Variants in MYO18B observed in about 807,000 individuals in gnomAD.
MYO18B encodes the protein myosin XVIIIB, also known as unconventional myosin-XVIIIb.
MYO18B carries 204 observed loss-of-function variants against 273.0 expected under a neutral mutation model. That is an observed-to-expected ratio of 0.75 (90% confidence interval 0.67 to 0.84). The LOEUF is 0.84. Among genes scored for constraint, MYO18B ranks in the 40% least tolerant of loss-of-function variants. The pLI is 0.00. For missense variants in MYO18B, 3,212 were observed against 3,287.6 expected (o/e 0.98, Z 0.56); for synonymous variants, 1,330 against 1,305.7 (o/e 1.02, Z -0.40).
At chr22:25,842,423 A>G (rs962602215) in intron 17 of MYO18B, among the ~76,000 whole-genome samples, 1 of 152,196 alleles carries the variant, frequency 6.6e-6, no homozygotes, top group African/African-American at 2.4e-5. Context: ...CTGTAATCCC[A>G]GCACTTTGAG....
intron 42 of MYO18B, among the ~76,000 whole-genome samples, chr22:26,022,150 C>T (rs994785111): frequency 6.6e-6 from 1 of 152,030 alleles, no homozygotes; most frequent in Admixed American, 6.6e-5. Context: ...CGTCATCCCT[C>T]TCCCTGGCCC....
Position 26,030,996 on chromosome 22 carries a change from G to T in MYO18B, c.*566G>T, listed in dbSNP as rs1010406672. On this transcript the variant is annotated 3_prime_UTR_variant, in exon 44 of 44. Coordinates refer to ENST00000335473, the MANE Select transcript of MYO18B (RefSeq NM_032608.7). ...AGCATTCAAGAAACTGATGAATGAT[G>T]AATGAATGAATGAGCCAAAGAACAA... 2.5e-6 allele frequency: 1 copy of T among 397,798 alleles called. No homozygotes were observed. The highest frequency in any genetic ancestry group is 1.3e-4 in the South Asian group (1 of 7,786). The allele number at this position is 397,798 out of a possible 1,614,324, so 24.6% of individuals were successfully genotyped here. A position where few individuals can be genotyped will look rare whatever the true frequency, so the allele number is the denominator to read the frequency against.
chr22:25,867,537 C>A (rs1356465393), intron 21 of MYO18B, among the ~76,000 whole-genome samples: 2 of 152,230 alleles, frequency 1.3e-5, no homozygotes, highest in African/African-American at 4.8e-5. Flanking sequence ...CATCAATGGA[C>A]ATTTGGGTTG....
chr22:25,843,990 G>A, intron 18 of MYO18B, 96 bp downstream of exon 18: 1 of 1,164,604 alleles, frequency 8.6e-7, no homozygotes, highest in Non-Finnish European at 1.2e-6. Flanking sequence ...CACAGTGTGG[G>A]AGGGCCAGCC....
chr22:25,914,404 T>C (rs1045383104), intron 33 of MYO18B, among the ~76,000 whole-genome samples: 2 of 152,182 alleles, frequency 1.3e-5, no homozygotes, highest in African/African-American at 2.4e-5. Context: ...CTTTCAGTAA[T>C]GTTTTATTAT....
intron 34 of MYO18B, among the ~76,000 whole-genome samples, chr22:25,929,108 G>C (rs745838817): frequency 1.4e-5 from 2 of 138,692 alleles, no homozygotes; most frequent in Non-Finnish European, 3.0e-5. Context: ...GTTGTGGTGA[G>C]CCAAGATCAC....
chr22:25,794,652 C>T (rs955114815), intron 11 of MYO18B, among the ~76,000 whole-genome samples: 1 of 151,986 alleles, frequency 6.6e-6, no homozygotes, highest in Non-Finnish European at 1.5e-5. Context: ...CTACAGGTGC[C>T]CGCCACTTCG....
intron 39 of MYO18B, among the ~76,000 whole-genome samples, chr22:25,991,583 A>G (rs1036631208): frequency 1.3e-5 from 2 of 152,218 alleles, no homozygotes; most frequent in Non-Finnish European, 2.9e-5. Flanking sequence ...ATCCAATTAG[A>G]AAAGTACCAG....
At chr22:25,800,399 G>A (rs1373934518) in intron 12 of MYO18B, among the ~76,000 whole-genome samples, 1 of 152,262 alleles carries the variant, frequency 6.6e-6, no homozygotes, top group Non-Finnish European at 1.5e-5. Flanking sequence ...TCAGGGAACT[G>A]TAATGTCTCT....
At chr22:25,844,221 GA>G (rs1272784468) in intron 18 of MYO18B, among the ~76,000 whole-genome samples, 8 of 152,164 alleles carry the variant, frequency 5.3e-5, no homozygotes, top group African/African-American at 1.9e-4. Context: ...GGACATTCAA[GA>G]ACTAGGGGTT....
chr22:25,872,321 C>T (rs532788531), intron 22 of MYO18B, among the ~76,000 whole-genome samples: 2 of 152,268 alleles, frequency 1.3e-5, no homozygotes, highest in South Asian at 4.2e-4. Context: ...TTGAACCTCG[C>T]ACTTCAAGTG....
In MYO18B at chr22:25,987,036, G is replaced by A. The variant is rs114964559; in HGVS notation, c.6157-5327G>A. Among the ~76,000 whole-genome samples, 1,266 of 152,290 alleles carry A rather than the reference G, an allele frequency of 8.3e-3. 21 individuals carry two copies. Among genetic ancestry groups the A allele is most frequent in the African/African-American group, 0.029 (1,212 of 41,548 alleles). On this transcript the variant is annotated intron_variant, in intron 39 of 43. Transcript: ENST00000335473. Reference sequence around the variant, plus strand: ...TCGTCAAGTTTCAAAAGTGTTTCGAGATAGTCTGATCTATAGTGTAAATTG... The same window carrying A: ...TCGTCAAGTTTCAAAAGTGTTTCGAAATAGTCTGATCTATAGTGTAAATTG...
At chr22:25,852,535 T>A (rs2146053324) in intron 21 of MYO18B, among the ~76,000 whole-genome samples, 1 of 152,370 alleles carries the variant, frequency 6.6e-6, no homozygotes, top group East Asian at 1.9e-4. Flanking sequence ...TAAATGTTTC[T>A]CTTGAGAATG....
chr22:25,743,006 G>C (rs778983358), intron 1 of MYO18B, among the ~76,000 whole-genome samples: 5 of 152,232 alleles, frequency 3.3e-5, no homozygotes, highest in Non-Finnish European at 5.9e-5. Context: ...CCCAGGAGAG[G>C]AGAAGACCTC....
At chr22:25,808,966 CAG>C (rs773469803) in intron 12 of MYO18B, among the ~76,000 whole-genome samples, 3 of 152,102 alleles carry the variant, frequency 2.0e-5, no homozygotes, top group Admixed American at 1.3e-4. Context: ...TTTTTTGAGA[CAG>C]AGTCTTGCTC....
At chr22:26,020,812 G>A (rs1028280087) in intron 42 of MYO18B, among the ~76,000 whole-genome samples, 3 of 152,132 alleles carry the variant, frequency 2.0e-5, no homozygotes, top group Non-Finnish European at 2.9e-5. Flanking sequence ...TGGGGGCCCG[G>A]GCACCGTGAC....
intron 22 of MYO18B, among the ~76,000 whole-genome samples, chr22:25,869,265 A>G (rs2090978203): frequency 6.6e-6 from 1 of 152,030 alleles, no homozygotes; most frequent in African/African-American, 2.4e-5. Context: ...CCTGGCCAAC[A>G]TGGTGAAACC....
At chr22:25,917,179 G>C (rs919882117) in intron 33 of MYO18B, among the ~76,000 whole-genome samples, 7 of 152,230 alleles carry the variant, frequency 4.6e-5, no homozygotes, top group Non-Finnish European at 7.4e-5. Flanking sequence ...GAATATAAAA[G>C]CATAAACCAT....
chr22:26,023,897 G>C (rs137955894), intron 42 of MYO18B, among the ~76,000 whole-genome samples: 1 of 152,192 alleles, frequency 6.6e-6, no homozygotes, highest in African/African-American at 2.4e-5. Context: ...CAATGAAGTT[G>C]ACAAATATAC....
Sources: gnomAD v4.1 joint callset for allele counts (sites outside exome capture counted in the v4.1 genomes callset) on GRCh38, gnomAD v4.1.1 for gene constraint, MANE v1.5 for transcripts, NCBI Gene and HGNC (gene_info 2026-07-23, HGNC 2026-07-21) for gene names.